The following LMBR1L variants were observed in gnomAD, a reference collection of about 807,000 sequenced individuals.
LMBR1L encodes limb development membrane protein 1 like.
Under a neutral mutation model 67.3 loss-of-function variants are expected in LMBR1L, and 47 were observed. That is an observed-to-expected ratio of 0.70 (90% CI 0.55 to 0.89). The LOEUF (loss-of-function observed/expected upper bound fraction) is 0.89, where lower values mean the gene tolerates loss of function less well. LMBR1L is among the 40% of genes least tolerant of loss of function. The probability of loss-of-function intolerance (pLI) is 0.00; values close to 1 mark genes in which losing one functional copy is unlikely to be tolerated. For synonymous variants in LMBR1L, 247 were observed against 250.3 expected, an observed-to-expected ratio of 0.99 and a Z score of 0.13; for missense variants, 533 against 599.2, an observed-to-expected ratio of 0.89 and a Z score of 1.15.
intron 13 of LMBR1L, chr12:49,100,876 C>T (rs1940079768): frequency 1.8e-6 from 1 of 569,486 alleles, no homozygotes; most frequent in Admixed American, 3.2e-5. Flanking sequence ...TGCAAGCACG[C>T]ACCACCACGT....
In LMBR1L at chr12:49,100,392, G is replaced by T. The variant is rs753326171; in HGVS notation, c.1236C>A (p.Thr412=). The T allele has an allele frequency of 9.3e-6, 15 of 1,612,032 alleles. No individual in the cohort carries two copies. The highest frequency in any genetic ancestry group is 6.7e-5 in the African/African-American group (5 of 74,846). The part of the protein sequence containing the change: ...LSSALPVFSR[T]LGLTRFDLLG... ...TCTCCTCCTTTCAATACTTACCCAG[G>T]GTTCGAGAGAAGACAGGAAGTGCTG... is the stretch of plus-strand genomic sequence containing the variant. The change falls in exon 15 of 17, where the codon ACC becomes ACA. Residue 412 remains threonine, a synonymous_variant. Coordinates refer to ENST00000267102, the MANE Select transcript of LMBR1L (RefSeq NM_018113.4).
In LMBR1L at chr12:49,105,968, C is replaced by G. The variant is rs377642791; in HGVS notation, c.158-11G>C. 6.2e-6 allele frequency: 10 copies of G among 1,612,704 alleles called. No homozygotes were observed. Among genetic ancestry groups the G allele is most frequent in the Non-Finnish European group, 8.5e-6 (10 of 1,179,482 alleles). ...CATCTTCATCATCCACTGTAAGAGA[C>G]AGAGGCACGGGGAACAGGCAGGAGG... On this transcript the variant is annotated splice_polypyrimidine_tract_variant and intron_variant, in intron 2 of 16. Coordinates refer to ENST00000267102, the MANE Select transcript of LMBR1L (RefSeq NM_018113.4).
intron 15 of LMBR1L, among the ~76,000 whole-genome samples, chr12:49,099,753 G>C (rs1939889504): frequency 6.6e-6 from 1 of 151,950 alleles, no homozygotes; most frequent in Non-Finnish European, 1.5e-5. Context: ...GGCTAATTTT[G>C]TATTTTTAGT....
chr12:49,103,695 G>A lies in LMBR1L; in HGVS notation c.554C>T (p.Ser185Leu). Residue 185 changes from serine (S) to leucine (L), a missense_variant, in exon 6 of 17, where the codon TCA becomes TTA. Ser to Leu is a moderately radical substitution (Grantham distance 145). Transcript: ENST00000267102. ...GAAGCTGGGCCGCTCACCATAGAGT[G>A]ACTCTCTGTTGGCCTTGTTCTTGTC... ...IVDKNKANRE[S>L]LYDFWEYYLP... 2 of 1,613,612 alleles carry A rather than the reference G, an allele frequency of 1.2e-6. No individual in the cohort carries two copies. Among genetic ancestry groups the A allele is most frequent in the Non-Finnish European group, 8.5e-7 (1 of 1,179,780 alleles).
intron 1 of LMBR1L, chr12:49,110,176 G>A (rs1941376784): frequency 1.8e-6 from 1 of 563,942 alleles, no homozygotes; most frequent in South Asian, 1.6e-5. Flanking sequence ...GGCAGACTCC[G>A]CAGGCTCTCA....
At chr12:49,100,497 G>T (rs533310920) in intron 14 of LMBR1L, 43 bp from the exon 15 acceptor site, 1 of 1,604,100 alleles carries the variant, frequency 6.2e-7, no homozygotes, top group African/African-American at 1.3e-5. Flanking sequence ...TGGAAGAGCT[G>T]CAGGCACCTA....
intron 1 of LMBR1L, chr12:49,110,204 A>G (rs1941381910): frequency 3.8e-6 from 2 of 523,688 alleles, no homozygotes; most frequent in South Asian, 2.1e-5. Flanking sequence ...GAGACCCCCA[A>G]CAGGAAGACG....
chr12:49,103,653 A>G (rs2120980529), intron 6 of LMBR1L, 34 bp downstream of exon 6: 1 of 1,584,946 alleles, frequency 6.3e-7, no homozygotes, highest in East Asian at 2.3e-5. Context: ...CCAACTGAAA[A>G]GCCATGCAGC....
At chr12:49,109,775 T>C (rs1330817515) in intron 1 of LMBR1L, 1 of 455,862 alleles carries the variant, frequency 2.2e-6, no homozygotes, top group Non-Finnish European at 4.4e-6. Flanking sequence ...GTTGTCGCTC[T>C]AAGTGGCAGG....
In LMBR1L at chr12:49,100,602, A is replaced by T; in HGVS notation, c.1127T>A (p.Leu376His). ...SSVVGFYSSPLFRSLRPRWHD... is the reference protein window; with the variant it reads ...SSVVGFYSSPHFRSLRPRWHD... ...CCATCTGGGCCGCAGGCTCCGGAAG[A>T]GTGGAGAGCTATAGAAGCCCACAAC... is the stretch of plus-strand genomic sequence containing the variant. Residue 376 changes from leucine (L) to histidine (H), a missense_variant, in exon 14 of 17, where the codon CTC becomes CAC. This residue lies in a region of LMBR1L where 223 missense variants were observed against 241.2 expected (regional missense o/e 0.92). Transcript: ENST00000267102. 6.2e-7 allele frequency: 1 copy of T among 1,614,204 alleles called. No homozygotes were observed. Among genetic ancestry groups the T allele is most frequent in the East Asian group, 2.2e-5 (1 of 44,886 alleles).
At chr12:49,103,329 G>T (rs1460795793) in intron 6 of LMBR1L, among the ~76,000 whole-genome samples, 170 bp from the exon 7 acceptor site, 1 of 152,156 alleles carries the variant, frequency 6.6e-6, no homozygotes, top group Non-Finnish European at 1.5e-5. Flanking sequence ...AGGGCCTATA[G>T]TAAACTGGAG....
In LMBR1L at chr12:49,102,504, C is replaced by T; in HGVS notation, c.733G>A (p.Ala245Thr). The change falls in exon 9 of 17, where the codon GCC becomes ACC. Residue 245 changes from alanine (A) to threonine (T), a missense_variant. Physicochemically the swap from Ala to Thr is moderately conservative, Grantham distance 58. This residue lies in a region of LMBR1L where 64 missense variants were observed against 109.0 expected (regional missense o/e 0.59). Coordinates refer to ENST00000267102, the MANE Select transcript of LMBR1L (RefSeq NM_018113.4). ...CGGGTCAGGGCTGCCTCCTCAAAGG[C>T]TGAGCAGTACAGCTGCTCCTCCAGG... Reference protein sequence around the residue: ...EDLEEQLYCSAFEEAALTRRI... With the variant: ...EDLEEQLYCSTFEEAALTRRI... The T allele has an allele frequency of 6.2e-7, 1 of 1,614,086 alleles. No individual in the cohort carries two copies. The highest frequency in any genetic ancestry group is 8.5e-7 in the Non-Finnish European group (1 of 1,180,048).
chr12:49,104,764 T>TG lies in LMBR1L; in HGVS notation c.312dup (p.Asn105GlnfsTer32), dbSNP rs754442342. ...CACACACCATGGATGAGGGAGCCGT[T>TG]GAGCCACTGGATGTAGTAGTTCCGA... is the stretch of plus-strand genomic sequence containing the variant. On this transcript the variant is annotated frameshift_variant, in exon 4 of 17. Coordinates refer to ENST00000267102, the MANE Select transcript of LMBR1L (RefSeq NM_018113.4). LOFTEE classifies it high-confidence loss of function. The TG allele has an allele frequency of 5.0e-5, 81 of 1,613,528 alleles. No homozygotes were observed. The highest frequency in any genetic ancestry group is 6.8e-5 in the Non-Finnish European group (80 of 1,179,824).
At chr12:49,101,376 G>C in intron 12 of LMBR1L, 53 bp from the exon 13 acceptor site, 1 of 1,604,906 alleles carries the variant, frequency 6.2e-7, no homozygotes, top group Non-Finnish European at 8.5e-7. Context: ...AGCACTACCC[G>C]GCACCCAGCC....
At chr12:49,104,079 A>G in intron 5 of LMBR1L, 1 of 493,562 alleles carries the variant, frequency 2.0e-6, no homozygotes, top group South Asian at 3.0e-5. Flanking sequence ...CGAGGTCTGC[A>G]TCCCACAAGC....
At chr12:49,110,214 GCGCT>G in intron 1 of LMBR1L, 1 of 526,838 alleles carries the variant, frequency 1.9e-6, no homozygotes, top group Non-Finnish European at 3.4e-6. Flanking sequence ...ACAGGAAGAC[GCGCT>G]GGGTGAGGGG....
chr12:49,102,006 G>A lies in LMBR1L; in HGVS notation c.930+114C>T. 2 of 877,246 alleles carry A rather than the reference G, an allele frequency of 2.3e-6. 1 individual carries two copies. Among genetic ancestry groups the A allele is most frequent in the South Asian group, 3.1e-5 (2 of 64,948 alleles). The allele number at this position is 877,246 out of a possible 1,614,324, so 54.3% of individuals were successfully genotyped here. ...CAGGACATAAAAGTAGGCACTCAGT[G>A]AGAAGCAACCACTATTACTGATGAT... On this transcript the variant is annotated intron_variant, in intron 11 of 16. Coordinates refer to ENST00000267102, the MANE Select transcript of LMBR1L (RefSeq NM_018113.4).
intron 5 of LMBR1L, 40 bp from the exon 6 acceptor site, chr12:49,103,853 G>A (rs1940544326): frequency 1.3e-6 from 2 of 1,580,320 alleles, no homozygotes; most frequent in Non-Finnish European, 1.7e-6. Context: ...TTAACATCAG[G>A]GCAGTGTGGG....
At chr12:49,108,900 G>T (rs1260461360) in intron 1 of LMBR1L, among the ~76,000 whole-genome samples, 1 of 152,176 alleles carries the variant, frequency 6.6e-6, no homozygotes, top group Non-Finnish European at 1.5e-5. Flanking sequence ...AAGGAGGGAA[G>T]AATCCACAGA....
Sources: gnomAD v4.1 joint callset for allele counts (sites outside exome capture counted in the v4.1 genomes callset) on GRCh38, gnomAD v4.1.1 for gene constraint, gnomAD v4.1.1 regional missense constraint, MANE v1.5 for transcripts, NCBI Gene and HGNC (gene_info 2026-07-23, HGNC 2026-07-21) for gene names.